ABCC1: variants seen among roughly 807,000 people sequenced by gnomAD.
ABCC1 encodes the protein multidrug resistance-associated protein 1.
ABCC1 carries 83 observed loss-of-function variants against 172.9 expected under a neutral mutation model. The observed-to-expected ratio is 0.48, with a 90% CI of 0.40 to 0.58. The LOEUF is 0.58. Ranked by LOEUF, ABCC1 falls within the 20% of genes least tolerant of loss-of-function variation. The pLI is 0.00. For missense variants in ABCC1, 1,817 were observed against 2,002.7 expected, an observed-to-expected ratio of 0.91 and a Z score of 1.77; for synonymous variants, 937 against 825.2, an observed-to-expected ratio of 1.14 and a Z score of -2.32.
chr16:16,078,392 C>T (rs758756177), intron 15 of ABCC1, among the ~76,000 whole-genome samples: 8 of 152,046 alleles, frequency 5.3e-5, no homozygotes, highest in Non-Finnish European at 8.8e-5. Flanking sequence ...TTCTGCTGTT[C>T]GTTAAAGGAT....
intron 22 of ABCC1, among the ~76,000 whole-genome samples, chr16:16,113,884 G>A (rs923023005): frequency 6.6e-6 from 1 of 152,168 alleles, no homozygotes; most frequent in African/African-American, 2.4e-5. Flanking sequence ...GAAGCGCACA[G>A]TCTAGGTCCC....
Position 16,009,706 on chromosome 16 carries a change from C to G in ABCC1, c.226-70C>G. 2.0e-6 allele frequency: 3 copies of G among 1,463,964 alleles called. No homozygotes were observed. The South Asian group carries it at 4.3e-5, about 21-fold the overall frequency. 90.7% of individuals were successfully genotyped at this position (1,463,964 alleles called of 1,614,324 possible). ...TGGTTCTCCTATCCCTGGGGCTGAG[C>G]TGTTCGTGCAGGCCCTGGGGGAGGT... On this transcript the variant is annotated intron_variant, in intron 2 of 30. Transcript: ENST00000399410.
At chr16:16,139,048 C>T (rs961646403) in intron 30 of ABCC1, among the ~76,000 whole-genome samples, 3 of 152,218 alleles carry the variant, frequency 2.0e-5, no homozygotes, top group Non-Finnish European at 4.4e-5. Context: ...CATTCATTCA[C>T]GTCAGCGCAC....
intron 1 of ABCC1, among the ~76,000 whole-genome samples, chr16:15,984,328 G>C (rs1417267564): frequency 6.6e-6 from 1 of 152,090 alleles, no homozygotes; most frequent in Non-Finnish European, 1.5e-5. Context: ...AAGCAGACAA[G>C]TAAGAATTAC....
At chr16:16,064,432 T>A (rs1387814019) in intron 12 of ABCC1, among the ~76,000 whole-genome samples, 1 of 152,188 alleles carries the variant, frequency 6.6e-6, no homozygotes, top group Non-Finnish European at 1.5e-5. Context: ...TGATGGGTGC[T>A]CAGTTACCAC....
At chr16:16,058,236 TA>T (rs2049755214) in intron 12 of ABCC1, among the ~76,000 whole-genome samples, 1 of 152,202 alleles carries the variant, frequency 6.6e-6, no homozygotes, top group African/African-American at 2.4e-5. Context: ...TAAGCACAGT[TA>T]AAAACAGTTA....
Position 15,949,769 on chromosome 16 carries a change from C to T in ABCC1, c.18C>T (p.Phe6=). The change falls in exon 1 of 31, where the codon TTC becomes TTT. Residue 6 remains phenylalanine, a synonymous_variant. Coordinates refer to ENST00000399410, the MANE Select transcript of ABCC1 (RefSeq NM_004996.4). ...CCACCGGCATGGCGCTCCGGGGCTT[C>T]TGCAGCGCCGATGGCTCCGACCCGC... MALRG[F]CSADGSDPLW... 8.4e-7 allele frequency: 1 copy of T among 1,193,478 alleles called. No individual in the cohort carries two copies. The highest frequency in any genetic ancestry group is 1.0e-6 in the Non-Finnish European group (1 of 963,150). The allele number at this position is 1,193,478 out of a possible 1,614,324, so 73.9% of individuals were successfully genotyped here.
At chr16:16,073,210 T>A (rs558300747) in intron 14 of ABCC1, among the ~76,000 whole-genome samples, 1 of 152,178 alleles carries the variant, frequency 6.6e-6, no homozygotes, top group African/African-American at 2.4e-5. Flanking sequence ...ACCCCCATTT[T>A]CCAGATGAAG....
intron 1 of ABCC1, among the ~76,000 whole-genome samples, chr16:15,986,600 G>T (rs215079): frequency 0.23 from 34,327 of 152,060 alleles, 4,395 homozygotes; most frequent in African/African-American, 0.35. Context: ...GCCACCCCCC[G>T]CCATCCCTGG....
At chr16:16,136,269 T>C (rs2045913822) in intron 28 of ABCC1, among the ~76,000 whole-genome samples, 1 of 151,888 alleles carries the variant, frequency 6.6e-6, no homozygotes, top group African/African-American at 2.4e-5. Flanking sequence ...AGTGATCCAC[T>C]CGCCTCGGCC....
intron 12 of ABCC1, among the ~76,000 whole-genome samples, chr16:16,058,773 C>CT (rs2049782782): frequency 6.6e-6 from 1 of 152,216 alleles, no homozygotes; most frequent in South Asian, 2.1e-4. Context: ...ACCTCAGCCT[C>CT]TGAGTAGCTG....
chr16:15,968,079 C>G (rs1197083983), intron 1 of ABCC1, among the ~76,000 whole-genome samples: 2 of 152,124 alleles, frequency 1.3e-5, no homozygotes, highest in African/African-American at 4.8e-5. Flanking sequence ...ATTGCCCAGT[C>G]TGGAGTACAG....
chr16:16,006,860 G>GGTGGCA (rs2047550653), intron 1 of ABCC1, among the ~76,000 whole-genome samples: 4 of 140,666 alleles, frequency 2.8e-5, no homozygotes, highest in East Asian at 3.9e-4. Flanking sequence ...TGGCGGTGGC[G>GGTGGCA]GTGGCGGTGG....
At chr16:16,135,322 C>G (rs2045878651) in intron 28 of ABCC1, among the ~76,000 whole-genome samples, 1 of 152,212 alleles carries the variant, frequency 6.6e-6, no homozygotes, top group Non-Finnish European at 1.5e-5. Flanking sequence ...CCTCCTCCAT[C>G]TGTCCCCACT....
intron 15 of ABCC1, among the ~76,000 whole-genome samples, 194 bp downstream of exon 15, chr16:16,076,595 C>G (rs2050582881): frequency 6.6e-6 from 1 of 152,204 alleles, no homozygotes. Flanking sequence ...AGCAGACACA[C>G]ATGCCTAGCA....
intron 1 of ABCC1, among the ~76,000 whole-genome samples, chr16:15,973,114 A>G (rs1322913635): frequency 1.3e-5 from 2 of 151,854 alleles, no homozygotes; most frequent in East Asian, 1.9e-4. Flanking sequence ...CTTTCAATCA[A>G]TTCACTTTTT....
intron 13 of ABCC1, 70 bp downstream of exon 13, chr16:16,068,372 G>A (rs2050195144): frequency 1.3e-6 from 2 of 1,566,796 alleles, no homozygotes; most frequent in Admixed American, 1.7e-5. Context: ...GCATGGAAGT[G>A]CCCCCGAGCG....
chr16:15,976,631 T>C (rs2046497918), intron 1 of ABCC1, among the ~76,000 whole-genome samples: 1 of 152,140 alleles, frequency 6.6e-6, no homozygotes, highest in African/African-American at 2.4e-5. Flanking sequence ...GCTGGAGGAT[T>C]AGTCAGTCTA....
intron 13 of ABCC1, among the ~76,000 whole-genome samples, chr16:16,069,960 G>A (rs1392691019): frequency 6.6e-6 from 1 of 152,078 alleles, no homozygotes; most frequent in African/African-American, 2.4e-5. Flanking sequence ...GGAGGTGGAG[G>A]TTGCCGAGGT....
Sources: allele counts gnomAD v4.1 joint callset (sites outside exome capture counted in the v4.1 genomes callset), GRCh38; gene constraint gnomAD v4.1.1; transcripts MANE v1.5; gene names NCBI Gene and HGNC (gene_info 2026-07-23, HGNC 2026-07-21).